FNIP1: variants seen among roughly 807,000 people sequenced by gnomAD.
FNIP1 encodes folliculin interacting protein 1, also known as folliculin-interacting protein 1.
In FNIP1, 40 loss-of-function variants were observed where a neutral mutation model predicts 124.5. The ratio of observed to expected loss-of-function variants is 0.32; its 90% CI spans 0.25 to 0.42. The LOEUF (loss-of-function observed/expected upper bound fraction) is 0.42. FNIP1 is among the 10% of genes least tolerant of loss of function. The probability of loss-of-function intolerance (pLI) is 1.00; values close to 1 mark genes in which losing one functional copy is unlikely to be tolerated. For synonymous variants in FNIP1, 472 were observed against 470.6 expected (o/e 1.00, Z -0.04); for missense variants, 1,176 against 1,403.7 (o/e 0.84, Z 2.59).
chr5:131,744,749 A>C, intron 1 of FNIP1, 59 bp from the exon 2 acceptor site: 2 of 1,374,412 alleles, frequency 1.5e-6, no homozygotes, highest in Non-Finnish European at 1.9e-6. Context: ...TAAATATTCC[A>C]TATACATTAT....
At chr5:131,772,722 A>G (rs1771681264) in intron 1 of FNIP1, among the ~76,000 whole-genome samples, 1 of 152,156 alleles carries the variant, frequency 6.6e-6, no homozygotes, top group African/African-American at 2.4e-5. Context: ...AGTCAAGCAT[A>G]GAATCCTCTT....
Position 131,643,159 on chromosome 5 carries a change from A to C in FNIP1, c.*1526T>G, listed in dbSNP as rs904289273. On this transcript the variant is annotated 3_prime_UTR_variant, in exon 18 of 18. Transcript: ENST00000510461. ...AGGTTTACATTCCATTAAAACAACA[A>C]TTTTTTCTTTGTCTAGTTGGAAGTC... 1 of 152,286 alleles carries C rather than the reference A, an allele frequency of 6.6e-6. No individual in the cohort carries two copies. Among genetic ancestry groups the C allele is most frequent in the African/African-American group, 2.4e-5 (1 of 41,452 alleles). The allele number at this position is 152,286 out of a possible 1,614,324, so 9.4% of individuals were successfully genotyped here.
intron 11 of FNIP1, among the ~76,000 whole-genome samples, chr5:131,684,233 T>A (rs1319054472): frequency 1.2e-4 from 19 of 152,246 alleles, no homozygotes; most frequent in Admixed American, 1.2e-3. Flanking sequence ...AGACCTTGCT[T>A]GATCTAAACT....
chr5:131,648,902 A>G (rs1271170006), intron 16 of FNIP1, among the ~76,000 whole-genome samples: 1 of 152,232 alleles, frequency 6.6e-6, no homozygotes, highest in African/African-American at 2.4e-5. Flanking sequence ...AAGTGGAATC[A>G]TACAATATTT....
chr5:131,647,179 C>T lies in FNIP1; in HGVS notation c.3333G>A (p.Leu1111=), dbSNP rs140982080. ...NFCVMHLEDR[L]QELYFKSKML... ...TTTTACTTTTGAAGTATAGCTCCTGCAACCGGTCTTCAAGATGCATTACAC... is the reference window on the plus strand; with the variant it reads ...TTTTACTTTTGAAGTATAGCTCCTGTAACCGGTCTTCAAGATGCATTACAC... Residue 1111 remains leucine (L), a synonymous_variant, in exon 17 of 18, where the codon TTG becomes TTA. Coordinates refer to ENST00000510461, the MANE Select transcript of FNIP1 (RefSeq NM_133372.3). 1.4e-5 allele frequency: 23 copies of T among 1,613,992 alleles called. No homozygotes were observed. The highest frequency in any genetic ancestry group is 1.9e-5 in the Non-Finnish European group (23 of 1,179,996).
rs192285758 is a variant in FNIP1 at position 131,691,456 on chromosome 5, G to A, written c.1202+7461C>T. 1.1e-4 allele frequency among the ~76,000 whole-genome samples: 16 copies of A among 152,112 alleles called. No homozygotes were observed. The East Asian group carries it at 3.1e-3, about 29-fold the overall frequency. On this transcript the variant is annotated intron_variant, in intron 11 of 17. Transcript: ENST00000510461. ...AGACAAACAGCAACATAAAACTAAA[G>A]CATTCAAGAGATAAGGAATAGTAAA...
At position 131,643,725 on chromosome 5, in the gene FNIP1, T is replaced by C. The variant is rs1264862477; in HGVS notation, c.*960A>G. ...AGCAGTGAAACAAATATTCAGCTCCTATGGGTTCATGAGGGTTGATACCAA... is the reference window on the plus strand; with the variant it reads ...AGCAGTGAAACAAATATTCAGCTCCCATGGGTTCATGAGGGTTGATACCAA... On this transcript the variant is annotated 3_prime_UTR_variant, in exon 18 of 18. Transcript: ENST00000510461. 6.5e-6 allele frequency: 1 copy of C among 152,850 alleles called. No homozygotes were observed. The highest frequency in any genetic ancestry group is 1.9e-4 in the East Asian group (1 of 5,272). 9.5% of individuals were successfully genotyped at this position (152,850 alleles called of 1,614,324 possible).
chr5:131,706,373 C>T (rs750551498), intron 9 of FNIP1, 38 bp downstream of exon 9: 2 of 1,529,948 alleles, frequency 1.3e-6, no homozygotes, highest in Admixed American at 2.1e-5. Flanking sequence ...GTTTAAGGAA[C>T]TACTCAATCT....
rs1321071284 is a variant in FNIP1 at position 131,688,229 on chromosome 5, A to G, written c.1203-9054T>C. ...AGATTACAACTAAAAGAGCTGCAGG[A>G]CACAGAATCTATTCAAAGAAGTAGT... On this transcript the variant is annotated intron_variant, in intron 11 of 17. Coordinates refer to ENST00000510461, the MANE Select transcript of FNIP1 (RefSeq NM_133372.3). Among the ~76,000 whole-genome samples, 4 of 152,204 alleles carry G rather than the reference A, an allele frequency of 2.6e-5. No individual in the cohort carries two copies. The South Asian group carries it at 8.3e-4, about 31-fold the overall frequency.
chr5:131,705,682 G>C (rs76002445), intron 9 of FNIP1, among the ~76,000 whole-genome samples: 1 of 152,134 alleles, frequency 6.6e-6, no homozygotes, highest in Non-Finnish European at 1.5e-5. Context: ...AGTGTGCAGC[G>C]TGACAGTTCC....
chr5:131,710,522 C>T, intron 7 of FNIP1, 56 bp downstream of exon 7: 3 of 1,529,694 alleles, frequency 2.0e-6, no homozygotes, highest in South Asian at 1.2e-5. Context: ...AGCTTAACTA[C>T]AGATTCTAGC....
chr5:131,770,603 C>T (rs1025321340), intron 1 of FNIP1, among the ~76,000 whole-genome samples: 2 of 152,196 alleles, frequency 1.3e-5, no homozygotes, highest in Non-Finnish European at 2.9e-5. Context: ...AGAATGGGCT[C>T]TGAATCAGCC....
intron 1 of FNIP1, among the ~76,000 whole-genome samples, chr5:131,775,972 T>G (rs1771789634): frequency 1.3e-5 from 2 of 152,264 alleles, no homozygotes; most frequent in South Asian, 4.1e-4. Flanking sequence ...TGCCACATTT[T>G]TAATCTACTA....
rs148478983 is a variant in FNIP1 at position 131,721,175 on chromosome 5, C to T, written c.355-1758G>A. Among the ~76,000 whole-genome samples the T allele has an allele frequency of 7.9e-5, 12 of 152,148 alleles. No individual in the cohort carries two copies. In the East Asian group the frequency reaches 1.9e-3, roughly 24 times the overall value. On this transcript the variant is annotated intron_variant, in intron 3 of 17. Transcript: ENST00000510461. ...TCAAAAAGAAGAAAATTCTGCAACA[C>T]GCAACACGGATGAATCTTAAGGACG...
At chr5:131,744,233 C>T (rs1770600952) in intron 2 of FNIP1, among the ~76,000 whole-genome samples, 1 of 151,282 alleles carries the variant, frequency 6.6e-6, no homozygotes, top group African/African-American at 2.4e-5. Context: ...AAAAAATAAT[C>T]GAGATAATTA....
At chr5:131,785,646 G>A (rs973713014) in intron 1 of FNIP1, among the ~76,000 whole-genome samples, 9 of 151,982 alleles carry the variant, frequency 5.9e-5, no homozygotes, top group African/African-American at 1.2e-4. Context: ...TGTCACAGAC[G>A]GTACATTAAC....
intron 2 of FNIP1, among the ~76,000 whole-genome samples, chr5:131,739,832 A>C (rs7711829): frequency 0.062 from 9,262 of 149,558 alleles, 603 homozygotes; most frequent in African/African-American, 0.16. Flanking sequence ...AAAAAAAAAA[A>C]AAAAACACTG....
chr5:131,795,553 T>C (rs201317519), intron 1 of FNIP1: 12 of 152,162 alleles, frequency 7.9e-5, no homozygotes, highest in East Asian at 7.7e-4. Flanking sequence ...TTATCTAACC[T>C]GCACTTTCAT....
intron 1 of FNIP1, among the ~76,000 whole-genome samples, chr5:131,757,273 G>C (rs11742499): frequency 7.9e-5 from 12 of 152,146 alleles, no homozygotes; most frequent in Non-Finnish European, 1.8e-4. Context: ...CAGCCAAGAA[G>C]AACACATAAA....
Sources: allele counts gnomAD v4.1 joint callset (sites outside exome capture counted in the v4.1 genomes callset), GRCh38; gene constraint gnomAD v4.1.1; transcripts MANE v1.5; gene names NCBI Gene and HGNC (gene_info 2026-07-23, HGNC 2026-07-21).